The following DEPDC5 variants were observed in gnomAD, a reference collection of about 807,000 sequenced individuals.
DEPDC5 encodes GATOR1 complex protein DEPDC5.
Under a neutral mutation model 217.3 loss-of-function variants are expected in DEPDC5, and 73 were observed. The observed-to-expected ratio is 0.34, with a 90% CI of 0.28 to 0.41. The LOEUF (loss-of-function observed/expected upper bound fraction) is 0.41, where lower values mean the gene tolerates loss of function less well. Among genes scored for constraint, DEPDC5 ranks in the 10% least tolerant of loss-of-function variants. DEPDC5 has a pLI of 1.00. For synonymous variants in DEPDC5, 733 were observed against 756.7 expected (o/e 0.97, Z 0.51); for missense variants, 1,675 against 2,070.1 (o/e 0.81, Z 3.70).
At chr22:31,806,665 G>A (rs1302777559) in intron 18 of DEPDC5, among the ~76,000 whole-genome samples, 3 of 152,152 alleles carry the variant, frequency 2.0e-5, no homozygotes, top group Non-Finnish European at 4.4e-5. Flanking sequence ...GATATGCATT[G>A]CAGCAAAGGG....
intron 33 of DEPDC5, among the ~76,000 whole-genome samples, chr22:31,861,932 A>G (rs1044062070): frequency 3.3e-5 from 5 of 152,222 alleles, no homozygotes; most frequent in Non-Finnish European, 4.4e-5. Flanking sequence ...CACTTAAATT[A>G]TTTGTCAGTT....
intron 6 of DEPDC5, among the ~76,000 whole-genome samples, chr22:31,767,148 T>G (rs2082887586): frequency 6.6e-6 from 1 of 151,998 alleles, no homozygotes; most frequent in Non-Finnish European, 1.5e-5. Context: ...TTCATTGTTT[T>G]TTTTTTTTTC....
At chr22:31,790,962 G>C (rs2085564995) in intron 10 of DEPDC5, among the ~76,000 whole-genome samples, 1 of 151,804 alleles carries the variant, frequency 6.6e-6, no homozygotes, top group Non-Finnish European at 1.5e-5. Context: ...GGCCAGGCTG[G>C]TCTCGAACTC....
At chr22:31,772,249 T>C (rs2083431718) in intron 7 of DEPDC5, among the ~76,000 whole-genome samples, 1 of 152,094 alleles carries the variant, frequency 6.6e-6, no homozygotes, top group African/African-American at 2.4e-5. Context: ...CAAAAATTTG[T>C]TAGCGGGTCA....
At chr22:31,834,080 C>T (rs2090807687) in intron 25 of DEPDC5, 100 bp downstream of exon 25, 1 of 1,161,556 alleles carries the variant, frequency 8.6e-7, no homozygotes, top group Non-Finnish European at 1.3e-6. Context: ...GTGAGTGGTC[C>T]TGAGGTACAC....
intron 27 of DEPDC5, among the ~76,000 whole-genome samples, chr22:31,842,675 G>A (rs1480599834): frequency 3.3e-5 from 5 of 152,058 alleles, no homozygotes; most frequent in African/African-American, 1.2e-4. Context: ...TTTAGGATTA[G>A]TGAGAGCTAG....
chr22:31,801,815 T>C (rs1457670232), intron 14 of DEPDC5, among the ~76,000 whole-genome samples: 1 of 152,154 alleles, frequency 6.6e-6, no homozygotes, highest in Non-Finnish European at 1.5e-5. Flanking sequence ...CCCACATGTC[T>C]GTACCCAGGT....
chr22:31,879,029 C>CAA (rs1264327219), intron 37 of DEPDC5, among the ~76,000 whole-genome samples: 12,724 of 67,488 alleles, frequency 0.19, 1,515 homozygotes, highest in Middle Eastern at 0.31. Context: ...GACTCCGTCT[C>CAA]AAAAAAAAAA....
At chr22:31,781,163 C>G (rs977102075) in intron 8 of DEPDC5, among the ~76,000 whole-genome samples, 3 of 151,404 alleles carry the variant, frequency 2.0e-5, no homozygotes, top group African/African-American at 7.3e-5. Flanking sequence ...TTGCGGTGAA[C>G]CAAGATCGCG....
At chr22:31,851,061 C>T (rs1043951578) in intron 31 of DEPDC5, among the ~76,000 whole-genome samples, 2 of 116,382 alleles carry the variant, frequency 1.7e-5, no homozygotes, top group South Asian at 3.1e-4. Context: ...AGCGAGACTC[C>T]GTCTCAAAAA....
chr22:31,764,979 T>C lies in DEPDC5; in HGVS notation c.198T>C (p.Thr66=). ...CAGATATTGTTTCTGTTTTAGAAACTATCAGTGTGGACCAGACTGTGACTC... is the reference window on the plus strand; with the variant it reads ...CAGATATTGTTTCTGTTTTAGAAACCATCAGTGTGGACCAGACTGTGACTC... ...KSLKEDLQKE[T]ISVDQTVTQV... Residue 66 remains threonine (T), a synonymous_variant, in exon 5 of 43, where the codon ACT becomes ACC. Transcript: ENST00000651528. The C allele has an allele frequency of 1.2e-6, 2 of 1,613,106 alleles. No individual in the cohort carries two copies. Among genetic ancestry groups the C allele is most frequent in the Non-Finnish European group, 1.7e-6 (2 of 1,179,048 alleles).
chr22:31,794,075 C>T (rs1671939048), intron 12 of DEPDC5, among the ~76,000 whole-genome samples: 1 of 152,182 alleles, frequency 6.6e-6, no homozygotes, highest in East Asian at 1.9e-4. Context: ...CCAAAGTCCA[C>T]ACAATATTAA....
At chr22:31,876,294 A>G (rs1367344482) in intron 37 of DEPDC5, 29 bp downstream of exon 37, 1 of 1,582,506 alleles carries the variant, frequency 6.3e-7, no homozygotes, top group South Asian at 1.1e-5. Flanking sequence ...GCGGTTGCCC[A>G]CAGGGGCAAG....
intron 40 of DEPDC5, among the ~76,000 whole-genome samples, chr22:31,898,295 A>G (rs150606627): frequency 1.9e-3 from 284 of 152,258 alleles, no homozygotes; most frequent in African/African-American, 6.5e-3. Flanking sequence ...TCTACCCCAG[A>G]GCCCAGAACC....
chr22:31,780,989 G>A (rs1056015953), intron 8 of DEPDC5, among the ~76,000 whole-genome samples: 12 of 152,104 alleles, frequency 7.9e-5, no homozygotes, highest in African/African-American at 2.4e-4. Context: ...GGCCGAGGCA[G>A]GTGGTTCACC....
chr22:31,829,882 A>G (rs2090458513), intron 24 of DEPDC5, among the ~76,000 whole-genome samples: 1 of 152,238 alleles, frequency 6.6e-6, no homozygotes, highest in Non-Finnish European at 1.5e-5. Flanking sequence ...ACTTGCTAGT[A>G]AATGTCTTCC....
chr22:31,774,054 A>G (rs1204098378), intron 7 of DEPDC5, among the ~76,000 whole-genome samples: 2 of 152,156 alleles, frequency 1.3e-5, no homozygotes, highest in Admixed American at 1.3e-4. Context: ...CTGGGCAACA[A>G]GAACGAAACC....
At chr22:31,773,286 C>T (rs2083511625) in intron 7 of DEPDC5, among the ~76,000 whole-genome samples, 2 of 152,134 alleles carry the variant, frequency 1.3e-5, no homozygotes, top group African/African-American at 4.8e-5. Flanking sequence ...CTCCTAGGCC[C>T]AAGCAATACT....
chr22:31,791,218 G>C (rs1397666355), intron 10 of DEPDC5, among the ~76,000 whole-genome samples: 1 of 152,058 alleles, frequency 6.6e-6, no homozygotes, highest in Non-Finnish European at 1.5e-5. Flanking sequence ...AAGTCACATA[G>C]TGGCAAGTTT....
Sources: gnomAD v4.1 joint callset for allele counts (sites outside exome capture counted in the v4.1 genomes callset) on GRCh38, gnomAD v4.1.1 for gene constraint, MANE v1.5 for transcripts, NCBI Gene and HGNC (gene_info 2026-07-23, HGNC 2026-07-21) for gene names.